Variants in TENM2 observed in about 807,000 individuals in gnomAD.
TENM2 encodes teneurin transmembrane protein 2.
A neutral mutation model predicts 245.2 loss-of-function variants in TENM2; 52 were observed. That is an observed-to-expected ratio of 0.21 (90% CI 0.17 to 0.27). TENM2 has a LOEUF of 0.27. Among genes scored for constraint, TENM2 ranks in the 10% least tolerant of loss-of-function variants. The pLI, the probability that TENM2 is intolerant of heterozygous loss-of-function variation, is 1.00. For missense variants in TENM2, 3,046 were observed against 3,666.8 expected (o/e 0.83, Z 4.37); for synonymous variants, 1,363 against 1,438.9 (o/e 0.95, Z 1.19).
chr5:168,081,257 T>A (rs1791969688), intron 7 of TENM2, among the ~76,000 whole-genome samples: 1 of 152,196 alleles, frequency 6.6e-6, no homozygotes, highest in African/African-American at 2.4e-5. Flanking sequence ...TTGCAACCCC[T>A]GCTATTTTTT....
At chr5:167,435,958 T>C (rs766790762) in intron 2 of TENM2, among the ~76,000 whole-genome samples, 4 of 145,940 alleles carry the variant, frequency 2.7e-5, no homozygotes, top group Non-Finnish European at 6.0e-5. Context: ...AGAAGAAATT[T>C]CTTTTTCTTT....
chr5:168,238,093 C>T (rs2152666153), intron 25 of TENM2, among the ~76,000 whole-genome samples: 1 of 145,380 alleles, frequency 6.9e-6, no homozygotes, highest in East Asian at 2.1e-4. Context: ...TGCAGTGAGC[C>T]CAGATTGCGC....
intron 4 of TENM2, among the ~76,000 whole-genome samples, chr5:167,958,026 C>A (rs906164833): frequency 6.6e-6 from 1 of 152,094 alleles, no homozygotes. Flanking sequence ...TCCTGAATAT[C>A]CTTCTTAATT....
At chr5:167,138,252 A>G in the TENM2 span, among the ~76,000 whole-genome samples, 3 of 152,244 alleles carry the variant, frequency 2.0e-5, no homozygotes, top group South Asian at 2.1e-4. Flanking sequence ...ATAAAATAGC[A>G]TATCTTTCTT....
At chr5:167,102,710 G>T in the TENM2 span, among the ~76,000 whole-genome samples, 1 of 152,222 alleles carries the variant, frequency 6.6e-6, no homozygotes, top group Non-Finnish European at 1.5e-5. Flanking sequence ...TCAGGCTGGA[G>T]CGCAGTGGCG....
rs544491890 is a variant in TENM2, at chr5:167,424,207, T to A, written c.502+48734T>A. The stretch of plus-strand genomic sequence containing the variant: ...TTCAAGGACCTATACAATTGTCTTG[T>A]TCTCTCAGTCATTCTTCCGGCCCCG... On this transcript the variant is annotated intron_variant, in intron 2 of 28. Coordinates refer to ENST00000518659, the Ensembl canonical transcript of TENM2. 2.0e-5 allele frequency among the ~76,000 whole-genome samples: 3 copies of A among 152,202 alleles called. No individual in the cohort carries two copies. In the South Asian group the frequency reaches 6.2e-4, roughly 32 times the overall value.
chr5:167,518,649 A>G (rs1408268960), intron 2 of TENM2, among the ~76,000 whole-genome samples: 1 of 152,178 alleles, frequency 6.6e-6, no homozygotes, highest in Non-Finnish European at 1.5e-5. Context: ...TGGCAGTATC[A>G]TTTAATCATC....
intron 2 of TENM2, among the ~76,000 whole-genome samples, chr5:167,524,034 CAGTT>C (rs893473778): frequency 6.6e-6 from 1 of 152,152 alleles, no homozygotes; most frequent in Non-Finnish European, 1.5e-5. Flanking sequence ...TTATTCATCT[CAGTT>C]AGCCTATGAT....
At chr5:168,257,848 T>A (rs1455709495) in intron 27 of TENM2, among the ~76,000 whole-genome samples, 1 of 149,316 alleles carries the variant, frequency 6.7e-6, no homozygotes, top group Non-Finnish European at 1.5e-5. Context: ...CCTCCTGACC[T>A]GGTGATCCGC....
intron 2 of TENM2, among the ~76,000 whole-genome samples, chr5:167,824,723 A>G (rs1263331152): frequency 6.6e-6 from 1 of 152,250 alleles, no homozygotes; most frequent in Non-Finnish European, 1.5e-5. Flanking sequence ...TCTGAGACAG[A>G]CAGCCAGCTC....
At chr5:168,142,815 T>A (rs955760532) in intron 12 of TENM2, among the ~76,000 whole-genome samples, 2 of 152,170 alleles carry the variant, frequency 1.3e-5, no homozygotes, top group Admixed American at 6.6e-5. Flanking sequence ...AACATACTAT[T>A]CAGAAAAGTC....
intron 13 of TENM2, among the ~76,000 whole-genome samples, chr5:168,185,737 G>T (rs1267492723): frequency 1.3e-5 from 2 of 151,304 alleles, no homozygotes; most frequent in African/African-American, 4.9e-5. Context: ...TGGAAATTAA[G>T]TATTTTTGCC....
the TENM2 span, among the ~76,000 whole-genome samples, chr5:167,196,321 G>A: frequency 6.6e-6 from 1 of 151,768 alleles, no homozygotes; most frequent in Non-Finnish European, 1.5e-5. Flanking sequence ...GTCTCTCATT[G>A]ACCGAAATGT....
intron 1 of TENM2, among the ~76,000 whole-genome samples, chr5:167,357,617 T>A (rs1243707006): frequency 4.6e-5 from 7 of 152,256 alleles, no homozygotes; most frequent in Non-Finnish European, 8.8e-5. Context: ...TCTTATTTTT[T>A]AAAAACTCAA....
At chr5:168,132,594 A>G (rs893915661) in intron 12 of TENM2, among the ~76,000 whole-genome samples, 2 of 152,202 alleles carry the variant, frequency 1.3e-5, no homozygotes, top group African/African-American at 4.8e-5. Context: ...TGCTGAGTCA[A>G]TAGCTTGATA....
chr5:167,212,267 GA>G, the TENM2 span, among the ~76,000 whole-genome samples: 30,874 of 152,014 alleles, frequency 0.2, 3,686 homozygotes, highest in African/African-American at 0.33. Flanking sequence ...CAGGTGAAAA[GA>G]ATTCTCTTCT....
intron 12 of TENM2, among the ~76,000 whole-genome samples, chr5:168,132,614 C>G (rs1268060674): frequency 6.6e-6 from 1 of 152,144 alleles, no homozygotes; most frequent in East Asian, 1.9e-4. Context: ...ATAAGGTATT[C>G]CTTCCTGACT....
At chr5:167,762,743 C>A (rs1253387439) in intron 2 of TENM2, among the ~76,000 whole-genome samples, 1 of 152,146 alleles carries the variant, frequency 6.6e-6, no homozygotes, top group African/African-American at 2.4e-5. Context: ...CTTTCTTTGA[C>A]CCAGTTTTAA....
chr5:167,980,530 G>A (rs768704170), intron 4 of TENM2, among the ~76,000 whole-genome samples: 4 of 152,166 alleles, frequency 2.6e-5, no homozygotes, highest in Admixed American at 6.5e-5. Flanking sequence ...AGGATGGCAG[G>A]TGCCTTAGGA....
Sources: allele counts gnomAD v4.1 joint callset (sites outside exome capture counted in the v4.1 genomes callset), GRCh38; gene constraint gnomAD v4.1.1; transcripts MANE v1.5; gene names NCBI Gene and HGNC (gene_info 2026-07-23, HGNC 2026-07-21).